BPIFB2: variants seen among roughly 807,000 people sequenced by gnomAD.
The protein encoded by BPIFB2 is BPI fold-containing family B member 2.
Under a neutral mutation model 50.1 loss-of-function variants are expected in BPIFB2, and 39 were observed. That is an observed-to-expected ratio of 0.78 (90% CI 0.60 to 1.02). BPIFB2 has a LOEUF of 1.02. Among genes scored for constraint, BPIFB2 ranks in the 50% least tolerant of loss-of-function variants. BPIFB2 has a pLI of 0.00. For synonymous variants in BPIFB2, 280 were observed against 256.3 expected (o/e 1.09, Z -0.88); for missense variants, 574 against 585.8 (o/e 0.98, Z 0.21).
In BPIFB2 at chr20:33,018,771, C is replaced by G. The variant is rs773330016; in HGVS notation, c.804C>G (p.Leu268=). The G allele has an allele frequency of 1.2e-6, 2 of 1,614,144 alleles. No homozygotes were observed. Among genetic ancestry groups the G allele is most frequent in the South Asian group, 2.2e-5 (2 of 91,060 alleles). ...GLSQQLFDSA[L]LLLQKAGALN... is the part of the protein sequence containing the mutation. ...CCCAGCAGCTGTTTGACTCTGCGCTCCTGCTGCTGCAGAAGGCCGGTGCCC... is the reference window on the plus strand; with the variant it reads ...CCCAGCAGCTGTTTGACTCTGCGCTGCTGCTGCTGCAGAAGGCCGGTGCCC... The change falls in exon 9 of 16, where the codon CTC becomes CTG. Residue 268 remains leucine, a synonymous_variant. Coordinates refer to ENST00000170150, the MANE Select transcript of BPIFB2 (RefSeq NM_025227.3).
chr20:33,013,923 C>A lies in BPIFB2; in HGVS notation c.422C>A (p.Ser141Ter). The change falls in exon 5 of 16, where the codon TCG becomes TAG. Residue 141 changes from serine (S) to a stop codon, truncating the protein, a stop_gained. Transcript: ENST00000170150. LOFTEE classifies it high-confidence loss of function. Reference sequence around the variant, plus strand: ...AGCATCTCTGCCTGCTCTTTATTCTCGGGCCACGCCAACGAGTTTGATGGC... The same window carrying A: ...AGCATCTCTGCCTGCTCTTTATTCTAGGGCCACGCCAACGAGTTTGATGGC... ...VVSISACSLF[S>*]GHANEFDGSN... The A allele has an allele frequency of 6.2e-7, 1 of 1,613,874 alleles. No individual in the cohort carries two copies.
At chr20:33,015,857 T>A (rs35038428) in intron 6 of BPIFB2, among the ~76,000 whole-genome samples, 1 of 151,902 alleles carries the variant, frequency 6.6e-6, no homozygotes, top group Non-Finnish European at 1.5e-5. Flanking sequence ...ACCTGTGGCC[T>A]GGACGGGTCC....
In BPIFB2 at chr20:33,022,784, A is replaced by T. The variant is rs190528906; in HGVS notation, c.1336-558A>T. Among the ~76,000 whole-genome samples, 9 of 152,350 alleles carry T rather than the reference A, an allele frequency of 5.9e-5. No individual in the cohort carries two copies. The East Asian group carries it at 1.5e-3, about 26-fold the overall frequency. Reference sequence around the variant, plus strand: ...TAGCCATAGGACTAATTAATTAGCCATAGCCACTAATTGTGGCTGCCTTAT... The same window carrying T: ...TAGCCATAGGACTAATTAATTAGCCTTAGCCACTAATTGTGGCTGCCTTAT... On this transcript the variant is annotated intron_variant, in intron 15 of 15. Transcript: ENST00000170150.
At position 33,008,584 on chromosome 20, in the gene BPIFB2, G is replaced by A. The variant is rs926925191; in HGVS notation, c.10G>A (p.Ala4Thr). 1 of 1,597,160 alleles carries A rather than the reference G, an allele frequency of 6.3e-7. No homozygotes were observed. Among genetic ancestry groups the A allele is most frequent in the South Asian group, 1.1e-5 (1 of 88,020 alleles). ...AGCGGCCAGGGCAGCCATGGCTTGGGCAAGTAGGCTGGGCCTGCTGCTGGC... is the reference window on the plus strand; with the variant it reads ...AGCGGCCAGGGCAGCCATGGCTTGGACAAGTAGGCTGGGCCTGCTGCTGGC... MAW[A>T]SRLGLLLALL... The change falls in exon 2 of 16, where the codon GCA becomes ACA. Residue 4 changes from alanine (A) to threonine (T), a missense_variant. Coordinates refer to ENST00000170150, the MANE Select transcript of BPIFB2 (RefSeq NM_025227.3).
chr20:33,018,537 G>T, intron 8 of BPIFB2, 100 bp from the exon 9 acceptor site: 1 of 1,401,138 alleles, frequency 7.1e-7, no homozygotes, highest in South Asian at 1.4e-5. Flanking sequence ...AGGGGCTGGG[G>T]GGCAGGGAGT....
At chr20:33,013,367 T>C (rs1990314884) in intron 4 of BPIFB2, among the ~76,000 whole-genome samples, 1 of 152,216 alleles carries the variant, frequency 6.6e-6, no homozygotes, top group South Asian at 2.1e-4. Flanking sequence ...CAGAGGGGTC[T>C]CTTATCTAGC....
At chr20:33,020,858 G>A (rs1978638027) in intron 13 of BPIFB2, among the ~76,000 whole-genome samples, 1 of 152,208 alleles carries the variant, frequency 6.6e-6, no homozygotes, top group Non-Finnish European at 1.5e-5. Flanking sequence ...GCCAGGTGAT[G>A]TGATTGGGTC....
intron 5 of BPIFB2, 40 bp from the exon 6 acceptor site, chr20:33,015,396 G>A (rs764410870): frequency 5.7e-6 from 9 of 1,578,196 alleles, no homozygotes; most frequent in South Asian, 1.1e-5. Flanking sequence ...GACTTAATAT[G>A]TTTGGGAGCC....
rs1267036452 is a variant in BPIFB2, at chr20:33,013,058, G to A, written c.308+151G>A. 5 of 626,226 alleles carry A rather than the reference G, an allele frequency of 8.0e-6. No individual in the cohort carries two copies. The African/African-American group carries it at 9.2e-5, about 12-fold the overall frequency. The allele number at this position is 626,226 out of a possible 1,614,324, so 38.8% of individuals were successfully genotyped here. ...TGCTCTCTCTCCCCTCACGCTTGGA[G>A]GGGAGCAAGATAGTGAGAACATTTC... On this transcript the variant is annotated intron_variant, in intron 4 of 15. Coordinates refer to ENST00000170150, the MANE Select transcript of BPIFB2 (RefSeq NM_025227.3).
chr20:33,019,485 C>T lies in BPIFB2; in HGVS notation c.910-95C>T, dbSNP rs961572534. The T allele has an allele frequency of 2.5e-5, 34 of 1,348,894 alleles. No homozygotes were observed. The South Asian group carries it at 3.1e-4, about 12-fold the overall frequency. The allele number at this position is 1,348,894 out of a possible 1,614,324, so 83.6% of individuals were successfully genotyped here. The stretch of plus-strand genomic sequence containing the variant: ...CACCTCTGTGCCCAGTCACATACAG[C>T]GCCATGGTGGCCCAATCAGCATTTG... On this transcript the variant is annotated intron_variant, in intron 10 of 15. Coordinates refer to ENST00000170150, the MANE Select transcript of BPIFB2 (RefSeq NM_025227.3).
At chr20:33,013,007 C>T in intron 4 of BPIFB2, 100 bp downstream of exon 4, 3 of 931,442 alleles carry the variant, frequency 3.2e-6, no homozygotes, top group Admixed American at 1.9e-5. Context: ...GGGCCCTCAT[C>T]CAGGCCTCTT....
intron 3 of BPIFB2, 26 bp from the exon 4 acceptor site, chr20:33,012,777 C>A: frequency 6.4e-7 from 1 of 1,573,612 alleles, no homozygotes; most frequent in Non-Finnish European, 8.7e-7. Context: ...GGGGGCCACT[C>A]TGTCACCTTG....
Position 33,008,613 on chromosome 20 carries a change from G to T in BPIFB2, c.39G>T (p.Leu13=), listed in dbSNP as rs750831030. The change falls in exon 2 of 16, where the codon CTG becomes CTT. Residue 13 remains leucine (L), a synonymous_variant. Coordinates refer to ENST00000170150, the MANE Select transcript of BPIFB2 (RefSeq NM_025227.3). ...WASRLGLLLA[L]LLPVVGASTP... The stretch of plus-strand genomic sequence containing the variant: ...GTAGGCTGGGCCTGCTGCTGGCACT[G>T]CTGCTGCCCGTGGTCGGTGCCTCCA... 7.5e-6 allele frequency: 12 copies of T among 1,605,128 alleles called. No homozygotes were observed. The South Asian group carries it at 1.2e-4, about 16-fold the overall frequency.
rs554418215 is a variant in BPIFB2 at position 33,023,590 on chromosome 20, C to G, written c.*207C>G. The G allele has an allele frequency of 1.1e-4, 73 of 638,826 alleles. No individual in the cohort carries two copies. The South Asian group carries it at 1.3e-3, about 11-fold the overall frequency. The allele number at this position is 638,826 out of a possible 1,614,324, so 39.6% of individuals were successfully genotyped here. Reference sequence around the variant, plus strand: ...TCCCTTCCTCCTCCTCTTCTCCTCCCTCTTCCCTCATCTCCCCCCTCCTTC... The same window carrying G: ...TCCCTTCCTCCTCCTCTTCTCCTCCGTCTTCCCTCATCTCCCCCCTCCTTC... On this transcript the variant is annotated 3_prime_UTR_variant, in exon 16 of 16. Transcript: ENST00000170150.
intron 2 of BPIFB2, 90 bp downstream of exon 2, chr20:33,008,773 C>T (rs758121527): frequency 8.9e-5 from 94 of 1,053,698 alleles, no homozygotes; most frequent in Admixed American, 1.6e-4. Context: ...ACTCAAAAGG[C>T]CCATGAGGAC....
At position 33,023,649 on chromosome 20, in the gene BPIFB2, C is replaced by T; in HGVS notation, c.*266C>T. 2 of 576,124 alleles carry T rather than the reference C, an allele frequency of 3.5e-6. No individual in the cohort carries two copies. The highest frequency in any genetic ancestry group is 6.2e-6 in the Non-Finnish European group (2 of 320,630). The allele number at this position is 576,124 out of a possible 1,614,324, so 35.7% of individuals were successfully genotyped here. On this transcript the variant is annotated 3_prime_UTR_variant, in exon 16 of 16. Coordinates refer to ENST00000170150, the MANE Select transcript of BPIFB2 (RefSeq NM_025227.3). Reference sequence around the variant, plus strand: ...CACCCCAGCGGGGAGCAGACTGCTCCTCCAGGCTGTATAGACCTGCCCTCT... The same window carrying T: ...CACCCCAGCGGGGAGCAGACTGCTCTTCCAGGCTGTATAGACCTGCCCTCT...
At chr20:33,014,046 A>G in intron 5 of BPIFB2, 90 bp downstream of exon 5, 1 of 1,489,440 alleles carries the variant, frequency 6.7e-7, no homozygotes, top group Admixed American at 2.1e-5. Context: ...GACTTTAACC[A>G]ATGGCCACAA....
chr20:33,019,524 C>T, intron 10 of BPIFB2, 56 bp from the exon 11 acceptor site: 3 of 1,509,896 alleles, frequency 2.0e-6, no homozygotes, highest in Non-Finnish European at 2.7e-6. Flanking sequence ...AGTGACTGAC[C>T]AGAGAGCCCG....
Position 33,020,565 on chromosome 20 carries a change from C to T in BPIFB2, c.1172C>T (p.Ser391Phe), listed in dbSNP as rs1172197962. 7 of 1,609,162 alleles carry T rather than the reference C, an allele frequency of 4.4e-6. No homozygotes were observed. The Admixed American group carries it at 6.7e-5, about 15-fold the overall frequency. ...VLGDVQLTVASSNVGFIDTDQ... is the reference protein window; with the variant it reads ...VLGDVQLTVAFSNVGFIDTDQ... ...AGGGATGTCCAGCTCACGGTGGCCT[C>T]CTCCAACGTGGGCTTCATTGATGTG... Residue 391 changes from serine to phenylalanine, a missense_variant, in exon 13 of 16, where the codon TCC becomes TTC. Transcript: ENST00000170150.
Sources: gnomAD v4.1 joint callset for allele counts (sites outside exome capture counted in the v4.1 genomes callset) on GRCh38, gnomAD v4.1.1 for gene constraint, MANE v1.5 for transcripts, NCBI Gene and HGNC (gene_info 2026-07-23, HGNC 2026-07-21) for gene names.